MCTP1: variants seen among roughly 807,000 people sequenced by gnomAD.
MCTP1 encodes multiple C2 and transmembrane domain containing 1.
MCTP1 carries 69 observed loss-of-function variants against 120.6 expected under a neutral mutation model. The ratio of observed to expected loss-of-function variants is 0.57; its 90% CI spans 0.47 to 0.70. The LOEUF (loss-of-function observed/expected upper bound fraction) is 0.70, where lower values mean the gene tolerates loss of function less well. Ranked by LOEUF, MCTP1 falls within the 30% of genes least tolerant of loss-of-function variation. The probability of loss-of-function intolerance (pLI) is 0.00; values close to 1 mark genes in which losing one functional copy is unlikely to be tolerated. For synonymous variants in MCTP1, 529 were observed against 493.1 expected, an observed-to-expected ratio of 1.07 and a Z score of -0.96; for missense variants, 1,203 against 1,248.8, an observed-to-expected ratio of 0.96 and a Z score of 0.55.
At chr5:95,226,551 AC>A (rs1471578610) in intron 1 of MCTP1, among the ~76,000 whole-genome samples, 1 of 151,812 alleles carries the variant, frequency 6.6e-6, no homozygotes, top group African/African-American at 2.4e-5. Flanking sequence ...CTCCCAGTCA[AC>A]TAAGCTCTCT....
At chr5:94,887,665 C>G (rs1801643764) in intron 12 of MCTP1, among the ~76,000 whole-genome samples, 2 of 152,152 alleles carry the variant, frequency 1.3e-5, no homozygotes, top group South Asian at 4.1e-4. Context: ...CTCCCATTTT[C>G]AGGTATTCCT....
chr5:95,263,028 T>C (rs755726815), intron 1 of MCTP1, among the ~76,000 whole-genome samples: 47 of 152,248 alleles, frequency 3.1e-4, no homozygotes, highest in Middle Eastern at 6.8e-3. Context: ...GACAGAAAAA[T>C]TGTGCAAGTG....
At chr5:94,832,689 G>A (rs964367955) in intron 17 of MCTP1, among the ~76,000 whole-genome samples, 7 of 151,896 alleles carry the variant, frequency 4.6e-5, no homozygotes, top group African/African-American at 1.7e-4. Context: ...CAAGTGGTCT[G>A]GTTGTGAGCA....
intron 1 of MCTP1, among the ~76,000 whole-genome samples, chr5:95,082,389 T>C (rs1411728565): frequency 6.6e-6 from 1 of 152,192 alleles, no homozygotes; most frequent in Non-Finnish European, 1.5e-5. Context: ...TGAATTATTA[T>C]ATTTAGATAC....
intron 1 of MCTP1, among the ~76,000 whole-genome samples, chr5:95,045,087 T>G (rs1842950011): frequency 1.3e-5 from 2 of 152,136 alleles, no homozygotes; most frequent in African/African-American, 2.4e-5. Context: ...ACCTTCCCCC[T>G]CACTACACTA....
intron 1 of MCTP1, among the ~76,000 whole-genome samples, chr5:95,179,530 C>T (rs557137258): frequency 6.6e-6 from 1 of 152,104 alleles, no homozygotes; most frequent in Non-Finnish European, 1.5e-5. Flanking sequence ...TTTTAGCCTC[C>T]TTAAACAAAA....
intron 1 of MCTP1, among the ~76,000 whole-genome samples, chr5:95,251,325 T>C (rs1363970008): frequency 6.6e-6 from 1 of 152,046 alleles, no homozygotes; most frequent in Non-Finnish European, 1.5e-5. Context: ...AGAATGTCAG[T>C]ATGCCTACTT....
intron 1 of MCTP1, among the ~76,000 whole-genome samples, chr5:95,035,087 C>T (rs573099940): frequency 2.6e-5 from 4 of 151,770 alleles, no homozygotes; most frequent in East Asian, 1.9e-4. Context: ...TTGGCAAAGA[C>T]GTGGAGAAAA....
In MCTP1 at chr5:95,038,649, C is replaced by T. The variant is rs1841780053; in HGVS notation, c.721-21165G>A. ...GATAAATGAGCCTAACTCTCTTCAC[C>T]ATCCCTTTTCCCTCCCCCATTTCAC... is the stretch of plus-strand genomic sequence containing the variant. On this transcript the variant is annotated intron_variant, in intron 1 of 22. Transcript: ENST00000515393. 2.0e-5 allele frequency among the ~76,000 whole-genome samples: 3 copies of T among 152,196 alleles called. No homozygotes were observed. The South Asian group carries it at 6.2e-4, about 31-fold the overall frequency.
chr5:94,876,003 G>A (rs1656188564), intron 12 of MCTP1, among the ~76,000 whole-genome samples: 1 of 151,714 alleles, frequency 6.6e-6, no homozygotes, highest in Admixed American at 6.6e-5. Flanking sequence ...ATGATTCAAG[G>A]GCAATTAAAA....
At position 94,942,427 on chromosome 5, in the gene MCTP1, C is replaced by T. The variant is rs1223175081; in HGVS notation, c.982G>A (p.Val328Ile). ...TGTAGTCCAAAATCATAGTCAAATACCTGAGATGCCAAAGAGAAAAAGCCT... is the reference window on the plus strand; with the variant it reads ...TGTAGTCCAAAATCATAGTCAAATATCTGAGATGCCAAAGAGAAAAAGCCT... ...DHLREPLYIK[V>I]FDYDFGLQDD... Residue 328 changes from valine to isoleucine, a missense_variant and splice_region_variant, in exon 4 of 23, where the codon GTA (valine) becomes ATA (isoleucine). Physicochemically the swap from Val to Ile is conservative, Grantham distance 29. Around this residue, in one of 2 missense-constraint regions of MCTP1, gnomAD observed 740 missense variants for 871.1 expected, o/e 0.85. Coordinates refer to ENST00000515393, the MANE Select transcript of MCTP1 (RefSeq NM_024717.7). 6.2e-7 allele frequency: 1 copy of T among 1,600,818 alleles called. No homozygotes were observed. The highest frequency in any genetic ancestry group is 2.2e-5 in the East Asian group (1 of 44,706).
intron 1 of MCTP1, among the ~76,000 whole-genome samples, chr5:95,218,648 A>G (rs1416505100): frequency 6.6e-6 from 1 of 152,188 alleles, no homozygotes; most frequent in Admixed American, 6.5e-5. Flanking sequence ...AAAACTATAT[A>G]CAGTCATTTG....
intron 1 of MCTP1, among the ~76,000 whole-genome samples, chr5:95,111,092 A>T (rs1261964715): frequency 6.6e-6 from 1 of 152,196 alleles, no homozygotes; most frequent in East Asian, 1.9e-4. Flanking sequence ...AGATCCTAAA[A>T]CATGTTTAGA....
At chr5:95,199,652 G>C (rs985060095) in intron 1 of MCTP1, among the ~76,000 whole-genome samples, 1 of 150,980 alleles carries the variant, frequency 6.6e-6, no homozygotes, top group Non-Finnish European at 1.5e-5. Flanking sequence ...GAGGTCAGGG[G>C]GTCAAGACCA....
intron 1 of MCTP1, among the ~76,000 whole-genome samples, chr5:95,271,765 T>C (rs1759423916): frequency 6.6e-6 from 1 of 151,834 alleles, no homozygotes; most frequent in Non-Finnish European, 1.5e-5. Flanking sequence ...ACATTATATA[T>C]ATTTTTATAT....
chr5:95,013,758 T>C (rs920485238), intron 2 of MCTP1, among the ~76,000 whole-genome samples: 3 of 152,152 alleles, frequency 2.0e-5, no homozygotes, highest in East Asian at 3.9e-4. Context: ...CTGATGAAGA[T>C]GTACAAGGAG....
At chr5:94,905,004 CA>C (rs1398413024) in intron 10 of MCTP1, among the ~76,000 whole-genome samples, 1 of 152,092 alleles carries the variant, frequency 6.6e-6, no homozygotes, top group African/African-American at 2.4e-5. Context: ...AAAAACAGAG[CA>C]GAATAGAGGA....
chr5:95,162,958 A>C (rs138144460), intron 1 of MCTP1, among the ~76,000 whole-genome samples: 2 of 152,168 alleles, frequency 1.3e-5, no homozygotes, highest in African/African-American at 4.8e-5. Flanking sequence ...CAATATTAGA[A>C]ATATCAGTAT....
chr5:94,710,081 C>T (rs898576460), intron 21 of MCTP1: 6 of 151,870 alleles, frequency 4.0e-5, no homozygotes, highest in Non-Finnish European at 8.8e-5. Context: ...CTTCTTCTAC[C>T]CCGTCTAGTT....
Sources: gnomAD v4.1 joint callset for allele counts (sites outside exome capture counted in the v4.1 genomes callset) on GRCh38, gnomAD v4.1.1 for gene constraint, gnomAD v4.1.1 regional missense constraint, MANE v1.5 for transcripts, NCBI Gene and HGNC (gene_info 2026-07-23, HGNC 2026-07-21) for gene names.